Variants in KAZN observed in about 807,000 individuals in gnomAD.
KAZN encodes the protein kazrin.
A neutral mutation model predicts 87.4 loss-of-function variants in KAZN; 40 were observed. That is an observed-to-expected ratio of 0.46 (90% CI 0.36 to 0.60). KAZN has a LOEUF of 0.60. Among genes scored for constraint, KAZN ranks in the 20% least tolerant of loss-of-function variants. The pLI is 0.00. For missense variants in KAZN, 898 were observed against 1,073.9 expected (o/e 0.84, Z 2.29); for synonymous variants, 466 against 458.3 (o/e 1.02, Z -0.22).
chr1:14,612,819 G>A (rs1026221732), intron 1 of KAZN, among the ~76,000 whole-genome samples: 6 of 152,154 alleles, frequency 3.9e-5, no homozygotes, highest in Admixed American at 3.3e-4. Flanking sequence ...TTCCCTGCTT[G>A]GGATCTGCTG....
intron 1 of KAZN, among the ~76,000 whole-genome samples, chr1:14,065,244 G>T (rs1005189921): frequency 6.6e-6 from 1 of 152,198 alleles, no homozygotes; most frequent in African/African-American, 2.4e-5. Flanking sequence ...CAGGTCACAT[G>T]GACGGTGAAG....
chr1:13,968,196 G>A (rs561239485), intron 1 of KAZN, among the ~76,000 whole-genome samples: 1 of 152,290 alleles, frequency 6.6e-6, no homozygotes, highest in South Asian at 2.1e-4. Context: ...ATCCTTTAGG[G>A]CACTCTGGGA....
chr1:14,579,130 T>C (rs976440370), intron 2 of KAZN, among the ~76,000 whole-genome samples: 2 of 152,192 alleles, frequency 1.3e-5, no homozygotes, highest in African/African-American at 4.8e-5. Flanking sequence ...GTTCAAATCC[T>C]GCCTCTGCCA....
chr1:13,986,148 A>G (rs886894091), intron 1 of KAZN, among the ~76,000 whole-genome samples: 11 of 152,220 alleles, frequency 7.2e-5, no homozygotes, highest in Non-Finnish European at 1.2e-4. Context: ...GAGAGTTCCA[A>G]TTTTTCCATA....
At chr1:14,988,913 G>A (rs1394941179) in intron 2 of KAZN, among the ~76,000 whole-genome samples, 1 of 152,228 alleles carries the variant, frequency 6.6e-6, no homozygotes, top group East Asian at 1.9e-4. Flanking sequence ...CACCTTCCTT[G>A]GCCTGGATTC....
intron 1 of KAZN, among the ~76,000 whole-genome samples, chr1:14,794,096 C>T (rs1645761664): frequency 6.6e-6 from 1 of 152,224 alleles, no homozygotes; most frequent in South Asian, 2.1e-4. Flanking sequence ...TCCTGTGCTC[C>T]TCAGGATGCA....
intron 2 of KAZN, among the ~76,000 whole-genome samples, chr1:14,965,560 T>A (rs570874763): frequency 6.6e-5 from 10 of 152,366 alleles, no homozygotes; most frequent in South Asian, 6.2e-4. Flanking sequence ...CAATAAATAC[T>A]CTTTGAAAAC....
chr1:15,060,123 C>G (rs769983904), intron 5 of KAZN, 49 bp from the exon 6 acceptor site: 4 of 1,609,498 alleles, frequency 2.5e-6, no homozygotes, highest in Non-Finnish European at 3.4e-6. Flanking sequence ...GCAGCACAGG[C>G]GAGGACGTTC....
intron 10 of KAZN, among the ~76,000 whole-genome samples, chr1:15,097,504 A>G (rs762935103): frequency 6.6e-6 from 1 of 152,182 alleles, no homozygotes; most frequent in Non-Finnish European, 1.5e-5. Flanking sequence ...AATGCAGGAT[A>G]GACATGCTTA....
intron 1 of KAZN, among the ~76,000 whole-genome samples, chr1:14,801,967 G>A (rs1055700538): frequency 1.1e-4 from 16 of 152,010 alleles, no homozygotes; most frequent in Admixed American, 2.6e-4. Flanking sequence ...TACACGCGTC[G>A]GCCACCGTGC....
chr1:14,248,707 A>C (rs1649737911), intron 2 of KAZN, among the ~76,000 whole-genome samples: 1 of 152,224 alleles, frequency 6.6e-6, no homozygotes, highest in Non-Finnish European at 1.5e-5. Context: ...TGGTACTTTT[A>C]AAACATGTTC....
intron 8 of KAZN, among the ~76,000 whole-genome samples, chr1:15,073,445 G>T (rs1412367324): frequency 6.6e-6 from 1 of 152,104 alleles, no homozygotes; most frequent in Non-Finnish European, 1.5e-5. Context: ...GCCATCACAA[G>T]GTAGGTTGAG....
chr1:14,654,267 A>G (rs1311201061), intron 1 of KAZN, among the ~76,000 whole-genome samples: 2 of 149,570 alleles, frequency 1.3e-5, no homozygotes, highest in East Asian at 3.9e-4. Context: ...AGCCTGGGCA[A>G]CAAGAGTGAG....
At chr1:14,382,372 G>A (rs1020953920) in intron 2 of KAZN, among the ~76,000 whole-genome samples, 4 of 151,288 alleles carry the variant, frequency 2.6e-5, no homozygotes, top group Admixed American at 2.6e-4. Context: ...CAATGTGCAG[G>A]TTACTTACAT....
intron 2 of KAZN, among the ~76,000 whole-genome samples, chr1:14,468,929 C>T (rs1209867549): frequency 6.6e-6 from 1 of 152,210 alleles, no homozygotes; most frequent in Non-Finnish European, 1.5e-5. Context: ...CAGTCTTTGG[C>T]TTCATCTTGG....
intron 2 of KAZN, among the ~76,000 whole-genome samples, chr1:14,501,658 G>A (rs1191910158): frequency 6.6e-6 from 1 of 152,162 alleles, no homozygotes; most frequent in Non-Finnish European, 1.5e-5. Flanking sequence ...TGAAATAGAT[G>A]AAAATAGTCT....
intron 13 of KAZN, among the ~76,000 whole-genome samples, chr1:15,110,317 ATT>A (rs1472334417): frequency 6.9e-6 from 1 of 144,110 alleles, no homozygotes; most frequent in South Asian, 2.2e-4. Flanking sequence ...GTATTTGTGT[ATT>A]TGTGTGTGGG....
intron 2 of KAZN, among the ~76,000 whole-genome samples, chr1:14,569,622 A>G (rs779478286): frequency 8.6e-5 from 13 of 150,572 alleles, no homozygotes; most frequent in Non-Finnish European, 1.8e-4. Context: ...GCGCCCAGCC[A>G]CCTCCTCTAC....
chr1:13,974,873 T>A (rs1284297884), intron 1 of KAZN, among the ~76,000 whole-genome samples: 4 of 152,204 alleles, frequency 2.6e-5, no homozygotes, highest in Non-Finnish European at 5.9e-5. Flanking sequence ...TTAGATACCC[T>A]GGAGGTCTCA....
Sources: allele counts gnomAD v4.1 joint callset (sites outside exome capture counted in the v4.1 genomes callset), GRCh38; gene constraint gnomAD v4.1.1; transcripts MANE v1.5; gene names NCBI Gene and HGNC (gene_info 2026-07-23, HGNC 2026-07-21).